Variants in NPEPPS observed in about 807,000 individuals in gnomAD.
NPEPPS encodes aminopeptidase puromycin sensitive.
NPEPPS carries 14 observed loss-of-function variants against 115.5 expected under a neutral mutation model. That is an observed-to-expected ratio of 0.12 (90% CI 0.08 to 0.19). The LOEUF is 0.19. NPEPPS is among the 10% of genes least tolerant of loss of function. The pLI, the probability that NPEPPS is intolerant of heterozygous loss-of-function variation, is 1.00. For missense variants in NPEPPS, 523 were observed against 1,110.8 expected (o/e 0.47, Z 7.52); for synonymous variants, 285 against 390.6 (o/e 0.73, Z 3.19).
upstream of NPEPPS, among the ~76,000 whole-genome samples, chr17:47,526,403 T>C (rs1907434315): frequency 6.6e-6 from 1 of 152,056 alleles, no homozygotes; most frequent in Non-Finnish European, 1.5e-5. Context: ...CCGAAAAAGA[T>C]GAGGAGGTCA....
chr17:47,592,692 A>T, intron 12 of NPEPPS, 147 bp downstream of exon 12: 1 of 649,476 alleles, frequency 1.5e-6, no homozygotes, highest in South Asian at 2.4e-5. Context: ...TTCAGGTTGA[A>T]TATCTCTAAT....
At chr17:47,615,290 C>G (rs924893718) in intron 19 of NPEPPS, among the ~76,000 whole-genome samples, 2 of 152,070 alleles carry the variant, frequency 1.3e-5, no homozygotes, top group African/African-American at 4.8e-5. Context: ...ATTGGCCAGG[C>G]AGGCCTCGAA....
At chr17:47,601,903 C>T (rs1913221869) in intron 15 of NPEPPS, 156 bp downstream of exon 15, 1 of 715,430 alleles carries the variant, frequency 1.4e-6, no homozygotes, top group Admixed American at 3.3e-5. Context: ...ATTGTCCAGA[C>T]ATTTGTCCTT....
intron 17 of NPEPPS, among the ~76,000 whole-genome samples, chr17:47,612,254 CTTTA>C (rs1202976887): frequency 6.6e-6 from 1 of 152,090 alleles, no homozygotes; most frequent in Non-Finnish European, 1.5e-5. Flanking sequence ...AAGTCAGCAA[CTTTA>C]TTTGCTTGTC....
At position 47,622,151 on chromosome 17, in the gene NPEPPS, A is replaced by G. The variant is rs1185206513; in HGVS notation, c.*231A>G. 1.7e-6 allele frequency: 2 copies of G among 1,169,268 alleles called. No individual in the cohort carries two copies. The highest frequency in any genetic ancestry group is 2.2e-6 in the Non-Finnish European group (2 of 925,882). The allele number at this position is 1,169,268 out of a possible 1,614,324, so 72.4% of individuals were successfully genotyped here. ...AATAAAAAATAAAAATGTAAATATG[A>G]TAGTAATAAAATAGAGCATAACGAA... On this transcript the variant is annotated 3_prime_UTR_variant, in exon 23 of 23. Transcript: ENST00000322157.
intron 9 of NPEPPS, among the ~76,000 whole-genome samples, chr17:47,589,345 TC>T (rs1159860703): frequency 6.6e-6 from 1 of 151,950 alleles, no homozygotes; most frequent in Non-Finnish European, 1.5e-5. Flanking sequence ...AGCTTCATCT[TC>T]CTGGGCTTAT....
chr17:47,610,493 C>T (rs914150065), intron 17 of NPEPPS, among the ~76,000 whole-genome samples: 1 of 151,640 alleles, frequency 6.6e-6, no homozygotes, highest in African/African-American at 2.4e-5. Flanking sequence ...AAGCAATTCT[C>T]CTGCCTCAGC....
intron 1 of NPEPPS, among the ~76,000 whole-genome samples, chr17:47,524,794 G>A (rs1294589238): frequency 3.3e-5 from 5 of 150,524 alleles, no homozygotes; most frequent in Admixed American, 6.6e-5. Flanking sequence ...GTGAGCCACC[G>A]TGCCCGGCCA....
intron 2 of NPEPPS, 80 bp downstream of exon 2, chr17:47,546,073 T>TGTCAGAGA (rs148357525): frequency 2.4e-6 from 3 of 1,265,646 alleles, no homozygotes; most frequent in Non-Finnish European, 3.1e-6. Flanking sequence ...TGTGTGTGTG[T>TGTCAGAGA]GAGAGAGAGA....
At chr17:47,543,553 C>T (rs1490551620) in intron 1 of NPEPPS, among the ~76,000 whole-genome samples, 11 of 149,874 alleles carry the variant, frequency 7.3e-5, no homozygotes, top group South Asian at 2.1e-4. Context: ...TGTTGAACTC[C>T]TGACCTCAAG....
intron 2 of NPEPPS, among the ~76,000 whole-genome samples, chr17:47,563,738 T>A (rs1910608512): frequency 6.6e-6 from 1 of 151,784 alleles, no homozygotes; most frequent in African/African-American, 2.4e-5. Flanking sequence ...ACCCAGCTAA[T>A]TTTTTGTATT....
At chr17:47,570,330 G>A (rs937014106) in intron 3 of NPEPPS, among the ~76,000 whole-genome samples, 6 of 152,206 alleles carry the variant, frequency 3.9e-5, no homozygotes, top group African/African-American at 1.4e-4. Context: ...GCTGAGGCAA[G>A]AAAATCGCCA....
At chr17:47,593,335 G>A (rs1351537573) in intron 12 of NPEPPS, among the ~76,000 whole-genome samples, 2 of 152,162 alleles carry the variant, frequency 1.3e-5, no homozygotes, top group East Asian at 1.9e-4. Context: ...GCCAGGATGT[G>A]CGGACTGATT....
chr17:47,601,192 G>GCCA lies in NPEPPS; in HGVS notation c.1601-413_1601-411dup, dbSNP rs572562185. On this transcript the variant is annotated intron_variant, in intron 14 of 22. Coordinates refer to ENST00000322157, the MANE Select transcript of NPEPPS (RefSeq NM_006310.4). ...GGAAGTTGCAGTGAGCTGAGATCAC[G>GCCA]CCACCGCACTCCAGCCTGGGCGACA... Among the ~76,000 whole-genome samples, 372 of 151,994 alleles carry GCCA rather than the reference G, an allele frequency of 2.4e-3. 1 individual carries two copies. The highest frequency in any genetic ancestry group is 8.5e-3 in the African/African-American group (353 of 41,462).
In NPEPPS at chr17:47,601,695, A is replaced by G. The variant is rs1392593867; in HGVS notation, c.1688A>G (p.Lys563Arg). The G allele has an allele frequency of 1.2e-6, 2 of 1,613,620 alleles. No homozygotes were observed. The highest frequency in any genetic ancestry group is 1.7e-6 in the Non-Finnish European group (2 of 1,179,764). Residue 563 changes from lysine (K) to arginine (R), a missense_variant, in exon 15 of 23, where the codon AAG becomes AGG. Coordinates refer to ENST00000322157, the MANE Select transcript of NPEPPS (RefSeq NM_006310.4). Reference sequence around the variant, plus strand: ...GCCAAACTAAAAATTCTAATGGACAAGCCAGAGATGAATGTGGTTTTGAAA... The same window carrying G: ...GCCAAACTAAAAATTCTAATGGACAGGCCAGAGATGAATGTGGTTTTGAAA... ...NQAKLKILMD[K>R]PEMNVVLKNV...
At chr17:47,557,398 A>T (rs1910122689) in intron 2 of NPEPPS, 1 of 151,354 alleles carries the variant, frequency 6.6e-6, no homozygotes, top group African/African-American at 2.4e-5. Context: ...TTGCAGATTT[A>T]AAAAAACTTC....
chr17:47,566,511 T>G (rs1211849464), intron 2 of NPEPPS, among the ~76,000 whole-genome samples: 5 of 150,856 alleles, frequency 3.3e-5, no homozygotes, highest in Admixed American at 2.0e-4. Context: ...TTTTGTTTTT[T>G]TTTTTTTTTG....
rs1468064542 is a variant in NPEPPS, at chr17:47,622,558, CAA to C, written c.*642_*643del. 4.2e-6 allele frequency: 1 copy of C among 239,974 alleles called. No individual in the cohort carries two copies. Among genetic ancestry groups the C allele is most frequent in the Non-Finnish European group, 8.1e-6 (1 of 123,684 alleles). The allele number at this position is 239,974 out of a possible 1,614,324, so 14.9% of individuals were successfully genotyped here. On this transcript the variant is annotated 3_prime_UTR_variant, in exon 23 of 23. Transcript: ENST00000322157. ...GACCGACCCCTTGGCCAAAAAAAAA[CAA>C]AAAGCAAAAAACAAAAACCTACCCT...
At chr17:47,621,546 T>A (rs1259490678) in intron 22 of NPEPPS, among the ~76,000 whole-genome samples, 1 of 152,218 alleles carries the variant, frequency 6.6e-6, no homozygotes, top group Non-Finnish European at 1.5e-5. Context: ...GTCTCTTTAT[T>A]AACTTTTGAT....
Sources: gnomAD v4.1 joint callset for allele counts (sites outside exome capture counted in the v4.1 genomes callset) on GRCh38, gnomAD v4.1.1 for gene constraint, MANE v1.5 for transcripts, NCBI Gene and HGNC (gene_info 2026-07-23, HGNC 2026-07-21) for gene names.